Variants in EXOC6 observed in about 807,000 individuals in gnomAD.
EXOC6 encodes SEC15-like 1.
Under a neutral mutation model 112.5 loss-of-function variants are expected in EXOC6, and 60 were observed. That is an observed-to-expected ratio of 0.53 (90% confidence interval 0.43 to 0.66). The LOEUF is 0.66. Among genes scored for constraint, EXOC6 ranks in the 30% least tolerant of loss-of-function variants. EXOC6 has a pLI of 0.00. For synonymous variants in EXOC6, 295 were observed against 308.0 expected (o/e 0.96, Z 0.44); for missense variants, 855 against 957.1 (o/e 0.89, Z 1.41).
chr10:93,013,371 C>T (rs1407774613), intron 19 of EXOC6, among the ~76,000 whole-genome samples: 2 of 151,800 alleles, frequency 1.3e-5, no homozygotes, highest in African/African-American at 2.4e-5. Context: ...TTTGGGAGGC[C>T]GAGGCAGGTG....
At chr10:92,880,264 T>G (rs1468418790) in intron 1 of EXOC6, among the ~76,000 whole-genome samples, 1 of 152,214 alleles carries the variant, frequency 6.6e-6, no homozygotes, top group Non-Finnish European at 1.5e-5. Flanking sequence ...GTAAATGCCA[T>G]GTAAATAGTG....
Position 92,955,621 on chromosome 10 carries a change from T to C in EXOC6, c.1680T>C (p.Ala560=). 6.2e-7 allele frequency: 1 copy of C among 1,611,870 alleles called. No homozygotes were observed. Among genetic ancestry groups the C allele is most frequent in the Non-Finnish European group, 8.5e-7 (1 of 1,178,618 alleles). The part of the protein sequence containing the change: ...IIINTTHLEQ[A]CKYLEDFITN... ...TAAACACAACACACCTGGAGCAAGC[T>C]TGTAAATATCTTGAGGACTTTATAA... Residue 560 remains alanine (A), a synonymous_variant, in exon 17 of 22, where the codon GCT becomes GCC. Coordinates refer to ENST00000260762, the MANE Select transcript of EXOC6 (RefSeq NM_019053.6).
chr10:92,954,546 A>T (rs1006999709), intron 15 of EXOC6, 84 bp from the exon 16 acceptor site: 5 of 595,846 alleles, frequency 8.4e-6, no homozygotes, highest in Non-Finnish European at 1.4e-5. Flanking sequence ...AAATTATTTT[A>T]GTAAACTGTG....
At chr10:93,010,441 C>T (rs535269739) in intron 19 of EXOC6, among the ~76,000 whole-genome samples, 4 of 152,186 alleles carry the variant, frequency 2.6e-5, no homozygotes, top group East Asian at 1.9e-4. Context: ...TGGTGGCTCA[C>T]GCCTGTAATC....
chr10:92,928,024 C>G (rs1217831043), intron 8 of EXOC6, among the ~76,000 whole-genome samples: 2 of 152,160 alleles, frequency 1.3e-5, no homozygotes, highest in Non-Finnish European at 2.9e-5. Context: ...TGAAGCTAAT[C>G]TTTCACTGGG....
At chr10:92,860,380 A>G (rs750529180) in intron 1 of EXOC6, among the ~76,000 whole-genome samples, 12 of 149,902 alleles carry the variant, frequency 8.0e-5, no homozygotes, top group African/African-American at 1.2e-4. Flanking sequence ...AGTTTAAGCA[A>G]TTCTGCCTCA....
At chr10:92,837,314 A>C (rs1292321992) in intron 1 of EXOC6, among the ~76,000 whole-genome samples, 3 of 152,214 alleles carry the variant, frequency 2.0e-5, no homozygotes, top group Non-Finnish European at 4.4e-5. Context: ...AAGTGAAAAG[A>C]GGCAGTCCAG....
upstream of EXOC6, chr10:92,848,456 C>CGG: frequency 9.9e-7 from 1 of 1,007,522 alleles, no homozygotes; most frequent in Non-Finnish European, 1.3e-6. Context: ...CCCGCCCCTT[C>CGG]GCGCTCGCGC....
intron 19 of EXOC6, among the ~76,000 whole-genome samples, chr10:93,000,780 C>T (rs1718016993): frequency 6.6e-6 from 1 of 152,124 alleles, no homozygotes. Flanking sequence ...ATTTCACTAT[C>T]TCTGGTGTTC....
rs1849276081 is a variant in EXOC6 at position 92,887,385 on chromosome 10, A to G, written c.102-5964A>G. ...TTAAATCAACTACTTGTAGTGATTA[A>G]TTTAATTTTTTTTTTTTTTTTTTTT... On this transcript the variant is annotated intron_variant, in intron 1 of 21. Coordinates refer to ENST00000260762, the MANE Select transcript of EXOC6 (RefSeq NM_019053.6). Among the ~76,000 whole-genome samples the G allele has an allele frequency of 2.8e-5, 4 of 142,430 alleles. No homozygotes were observed. In the Admixed American group the frequency reaches 3.1e-4, roughly 11 times the overall value. The allele number at this position is 142,430 out of a possible 152,430, so 93.4% of individuals were successfully genotyped here.
intron 5 of EXOC6, among the ~76,000 whole-genome samples, chr10:92,902,622 A>G (rs947698416): frequency 6.6e-6 from 1 of 152,094 alleles, no homozygotes; most frequent in African/African-American, 2.4e-5. Flanking sequence ...ACTAAAATAA[A>G]CACACCTGTG....
chr10:93,002,231 A>G (rs1471469512), intron 19 of EXOC6, among the ~76,000 whole-genome samples: 1 of 152,180 alleles, frequency 6.6e-6, no homozygotes. Flanking sequence ...GTTATCCCTA[A>G]TAAATTTTGA....
chr10:93,025,967 T>C (rs376423466), intron 20 of EXOC6, among the ~76,000 whole-genome samples: 28 of 152,334 alleles, frequency 1.8e-4, no homozygotes, highest in African/African-American at 6.7e-4. Flanking sequence ...AAAAGTAGCC[T>C]AAGTTTTAAC....
At chr10:92,963,412 A>C (rs1031347548) in intron 17 of EXOC6, among the ~76,000 whole-genome samples, 1 of 152,176 alleles carries the variant, frequency 6.6e-6, no homozygotes. Context: ...CTCTTACAGT[A>C]ACCTACCTTT....
chr10:92,909,718 A>C (rs1326363458), intron 6 of EXOC6, 87 bp downstream of exon 6: 13 of 779,908 alleles, frequency 1.7e-5, no homozygotes, highest in Non-Finnish European at 2.6e-5. Context: ...AACTTACATA[A>C]AATGCTTATT....
upstream of EXOC6, among the ~76,000 whole-genome samples, chr10:92,831,725 G>A (rs998471031): frequency 2.6e-5 from 4 of 152,204 alleles, no homozygotes; most frequent in Admixed American, 6.5e-5. Context: ...GTGACCCACC[G>A]CGCCCAGCCT....
At chr10:93,011,391 G>A (rs1844239915) in intron 19 of EXOC6, among the ~76,000 whole-genome samples, 1 of 151,980 alleles carries the variant, frequency 6.6e-6, no homozygotes, top group Non-Finnish European at 1.5e-5. Flanking sequence ...CCAGTAGGTG[G>A]AACTACTACA....
chr10:93,008,232 A>C (rs1844083768), intron 19 of EXOC6, among the ~76,000 whole-genome samples: 1 of 152,214 alleles, frequency 6.6e-6, no homozygotes, highest in Admixed American at 6.5e-5. Flanking sequence ...AATAAGAGGA[A>C]ATGAATATCC....
At chr10:92,873,461 C>G (rs1184325360) in intron 1 of EXOC6, among the ~76,000 whole-genome samples, 2 of 151,990 alleles carry the variant, frequency 1.3e-5, no homozygotes, top group East Asian at 3.8e-4. Context: ...CAGAAATATA[C>G]AGAAAATCGT....
Sources: gnomAD v4.1 joint callset for allele counts (sites outside exome capture counted in the v4.1 genomes callset) on GRCh38, gnomAD v4.1.1 for gene constraint, MANE v1.5 for transcripts, NCBI Gene and HGNC (gene_info 2026-07-23, HGNC 2026-07-21) for gene names.